GRIK1: variants seen among roughly 807,000 people sequenced by gnomAD.
GRIK1 encodes the protein glutamate ionotropic receptor kainate type subunit 1.
GRIK1 carries 69 observed loss-of-function variants against 105.7 expected under a neutral mutation model. The ratio of observed to expected loss-of-function variants is 0.65; its 90% confidence interval spans 0.54 to 0.80. The LOEUF is 0.80. GRIK1 is among the 30% of genes least tolerant of loss of function. The pLI, the probability that GRIK1 is intolerant of heterozygous loss-of-function variation, is 0.00. For synonymous variants in GRIK1, 438 were observed against 431.3 expected, an observed-to-expected ratio of 1.02 and a Z score of -0.19; for missense variants, 1,109 against 1,167.3, an observed-to-expected ratio of 0.95 and a Z score of 0.73.
intron 12 of GRIK1, among the ~76,000 whole-genome samples, chr21:29,586,070 C>T (rs2146273553): frequency 6.6e-6 from 1 of 152,306 alleles, no homozygotes; most frequent in Middle Eastern, 3.4e-3. Context: ...GACAAAATCC[C>T]TCCTGGTTGA....
intron 7 of GRIK1, among the ~76,000 whole-genome samples, chr21:29,640,552 A>G (rs2062491203): frequency 6.6e-6 from 1 of 152,208 alleles, no homozygotes; most frequent in South Asian, 2.1e-4. Flanking sequence ...GAGTGAATGA[A>G]TATAAAATGC....
At chr21:29,859,356 T>C (rs1485404886) in intron 1 of GRIK1, among the ~76,000 whole-genome samples, 3 of 150,002 alleles carry the variant, frequency 2.0e-5, no homozygotes, top group Admixed American at 6.6e-5. Flanking sequence ...GAACTTAAAG[T>C]ATAATAAAAA....
intron 1 of GRIK1, among the ~76,000 whole-genome samples, chr21:29,711,917 C>G (rs570854861): frequency 1.3e-5 from 2 of 151,320 alleles, no homozygotes; most frequent in East Asian, 3.9e-4. Flanking sequence ...TGAAATTTTT[C>G]TTTTTTGAAA....
intron 14 of GRIK1, among the ~76,000 whole-genome samples, chr21:29,564,397 T>A (rs904328595): frequency 6.6e-6 from 1 of 152,200 alleles, no homozygotes; most frequent in Non-Finnish European, 1.5e-5. Flanking sequence ...TCCGCCCGCC[T>A]CGGCCTCCCA....
At chr21:29,592,138 T>A (rs2061342618) in intron 9 of GRIK1, among the ~76,000 whole-genome samples, 1 of 152,202 alleles carries the variant, frequency 6.6e-6, no homozygotes, top group Non-Finnish European at 1.5e-5. Flanking sequence ...TCAGGGCCTA[T>A]CTTCTTTGAG....
At chr21:29,832,334 T>G (rs2067665914) in intron 1 of GRIK1, among the ~76,000 whole-genome samples, 1 of 152,188 alleles carries the variant, frequency 6.6e-6, no homozygotes, top group South Asian at 2.1e-4. Flanking sequence ...ATAGCTCCAC[T>G]AGGTATTGCC....
chr21:29,897,956 A>G (rs1374765158), intron 1 of GRIK1, among the ~76,000 whole-genome samples: 1 of 152,202 alleles, frequency 6.6e-6, no homozygotes, highest in Non-Finnish European at 1.5e-5. Flanking sequence ...GAGGAGAAAT[A>G]TTTGCAGTTA....
chr21:29,596,398 A>G (rs535525686), intron 9 of GRIK1, 128 bp downstream of exon 9: 3 of 780,756 alleles, frequency 3.8e-6, no homozygotes, highest in African/African-American at 3.4e-5. Context: ...CTCTCTTTAC[A>G]TGGAACTTCC....
intron 3 of GRIK1, among the ~76,000 whole-genome samples, chr21:29,684,802 A>G (rs2063457269): frequency 6.6e-6 from 1 of 151,320 alleles, no homozygotes; most frequent in African/African-American, 2.4e-5. Context: ...GAGCCACCAC[A>G]CCCGGCTGCA....
At chr21:29,590,965 A>G in intron 10 of GRIK1, 147 bp downstream of exon 10, 2 of 658,324 alleles carry the variant, frequency 3.0e-6, no homozygotes, top group Non-Finnish European at 5.6e-6. Context: ...TCCTGTAAGT[A>G]TGTACAAACA....
intron 14 of GRIK1, among the ~76,000 whole-genome samples, chr21:29,565,037 G>A (rs1005147340): frequency 1.8e-4 from 27 of 152,176 alleles, no homozygotes; most frequent in Non-Finnish European, 3.8e-4. Context: ...GGGAGCTACA[G>A]GGGAAGTCTA....
At chr21:29,640,390 T>C (rs363600) in intron 7 of GRIK1, among the ~76,000 whole-genome samples, 35,309 of 152,018 alleles carry the variant, frequency 0.23, 4,210 homozygotes, top group Non-Finnish European at 0.26. Flanking sequence ...TCTCTGTAGG[T>C]ACCTACACCC....
At chr21:29,883,992 G>T (rs985951363) in intron 1 of GRIK1, among the ~76,000 whole-genome samples, 2 of 151,942 alleles carry the variant, frequency 1.3e-5, no homozygotes, top group African/African-American at 4.8e-5. Flanking sequence ...AAAAGAAGGG[G>T]GGGATGCTTT....
rs554319192 is a variant in GRIK1, at chr21:29,561,172, A to G, written c.2356+452T>C. Among the ~76,000 whole-genome samples the G allele has an allele frequency of 4.6e-5, 7 of 152,192 alleles. No individual in the cohort carries two copies. In the East Asian group the frequency reaches 1.4e-3, roughly 29 times the overall value. On this transcript the variant is annotated intron_variant, in intron 15 of 17. Transcript: ENST00000327783. ...TTTAATCTTTATCCTTTTTCTTTTGACTGATATAGCCTTGCTTTTTCATCT... is the reference window on the plus strand; with the variant it reads ...TTTAATCTTTATCCTTTTTCTTTTGGCTGATATAGCCTTGCTTTTTCATCT...
At chr21:29,612,413 T>C (rs363447) in intron 7 of GRIK1, among the ~76,000 whole-genome samples, 2,823 of 152,304 alleles carry the variant, frequency 0.019, 76 homozygotes, top group African/African-American at 0.064. Context: ...TAAGTGTGGG[T>C]GACTTTTGCT....
intron 15 of GRIK1, among the ~76,000 whole-genome samples, chr21:29,558,722 T>A (rs936783546): frequency 2.7e-5 from 4 of 149,896 alleles, no homozygotes; most frequent in Non-Finnish European, 5.9e-5. Flanking sequence ...TATATATATT[T>A]TTTTGTATTA....
chr21:29,609,455 T>C (rs1009296182), intron 7 of GRIK1, among the ~76,000 whole-genome samples: 8 of 152,216 alleles, frequency 5.3e-5, no homozygotes, highest in African/African-American at 1.4e-4. Context: ...TCAATTTGAC[T>C]GGGTGATGGG....
intron 1 of GRIK1, among the ~76,000 whole-genome samples, chr21:29,833,595 G>T (rs897717492): frequency 6.6e-6 from 1 of 152,130 alleles, no homozygotes; most frequent in African/African-American, 2.4e-5. Context: ...GAGGGTAGGT[G>T]CTACACATTT....
Position 29,580,025 on chromosome 21 carries a change from A to G in GRIK1, c.1912+1400T>C, listed in dbSNP as rs1404112343. On this transcript the variant is annotated intron_variant, in intron 13 of 17. Transcript: ENST00000327783. Reference sequence around the variant, plus strand: ...TATATATGTATATATATGTGTATATATGTATATATGTGTATATATGTATAT... The same window carrying G: ...TATATATGTATATATATGTGTATATGTGTATATATGTGTATATATGTATAT... Among the ~76,000 whole-genome samples the G allele has an allele frequency of 6.6e-3, 883 of 134,630 alleles. 12 individuals are homozygous for G. The highest frequency in any genetic ancestry group is 0.026 in the African/African-American group (837 of 32,796). 88.3% of individuals were successfully genotyped at this position (134,630 alleles called of 152,430 possible).
Sources: gnomAD v4.1 joint callset for allele counts (sites outside exome capture counted in the v4.1 genomes callset) on GRCh38, gnomAD v4.1.1 for gene constraint, MANE v1.5 for transcripts, NCBI Gene and HGNC (gene_info 2026-07-23, HGNC 2026-07-21) for gene names.